KRT86: variants seen among roughly 807,000 people sequenced by gnomAD.
KRT86 encodes keratin, type II cuticular Hb6.
Under a neutral mutation model 41.2 loss-of-function variants are expected in KRT86, and 30 were observed. That is an observed-to-expected ratio of 0.73 (90% CI 0.54 to 0.99). The LOEUF is 0.99. Ranked by LOEUF, KRT86 falls within the 50% of genes least tolerant of loss-of-function variation. The probability of loss-of-function intolerance (pLI) is 0.00; values close to 1 mark genes in which losing one functional copy is unlikely to be tolerated. For synonymous variants in KRT86, 238 were observed against 238.1 expected (o/e 1.00, Z 0.00); for missense variants, 561 against 571.4 (o/e 0.98, Z 0.19).
In KRT86 at chr12:52,291,404, C is replaced by G. The variant is rs202205489; in HGVS notation, c.-4-10509C>G. 5.0e-6 allele frequency: 8 copies of G among 1,610,462 alleles called. 1 individual carries two copies. In the South Asian group the frequency reaches 6.6e-5, roughly 13 times the overall value. On this transcript the variant is annotated intron_variant, in intron 2 of 10. Transcript: ENST00000423955. Reference sequence around the variant, plus strand: ...GGCGGTGATGCAGCAGCGGCCGGGCCGCGGCCCGCAGGCCGAGATGCAGCT... The same window carrying G: ...GGCGGTGATGCAGCAGCGGCCGGGCGGCGGCCCGCAGGCCGAGATGCAGCT...
At chr12:52,276,111 C>T (rs1942555629) in intron 2 of KRT86, among the ~76,000 whole-genome samples, 165 bp downstream of exon 2, 1 of 152,222 alleles carries the variant, frequency 6.6e-6, no homozygotes, top group Non-Finnish European at 1.5e-5. Context: ...ATCATGCTTA[C>T]CTCTGCCTAG....
At chr12:52,291,340 G>T in intron 2 of KRT86, 3 of 1,571,700 alleles carry the variant, frequency 1.9e-6, no homozygotes, top group East Asian at 2.3e-5. Context: ...CGAAGCCCCC[G>T]GTGAGGCCGC....
At chr12:52,275,189 C>A (rs1391972889) in intron 1 of KRT86, 6 of 152,098 alleles carry the variant, frequency 3.9e-5, no homozygotes, top group Admixed American at 6.5e-5. Flanking sequence ...AGGCACTGTG[C>A]AAGTGTGAGT....
intron 2 of KRT86, chr12:52,287,358 C>T: frequency 1.2e-6 from 2 of 1,612,000 alleles, no homozygotes; most frequent in Non-Finnish European, 1.7e-6. Flanking sequence ...AGATTAGAGT[C>T]CCTGGGTCTC....
At chr12:52,287,997 C>T (rs1423582351) in intron 2 of KRT86, 4 of 1,614,214 alleles carry the variant, frequency 2.5e-6, no homozygotes, top group Admixed American at 1.7e-5. Flanking sequence ...GCTGCGGTAC[C>T]AGGACTCGGC....
intron 2 of KRT86, among the ~76,000 whole-genome samples, chr12:52,293,752 C>T (rs1179727842): frequency 6.6e-6 from 1 of 152,090 alleles, no homozygotes; most frequent in African/African-American, 2.4e-5. Flanking sequence ...AGTGAACCAC[C>T]CCCCACTCCA....
Position 52,308,631 on chromosome 12 carries a change from A to C in KRT86, c.*46A>C, listed in dbSNP as rs201257801. On this transcript the variant is annotated 3_prime_UTR_variant, in exon 11 of 11. Coordinates refer to ENST00000423955, the MANE Select transcript of KRT86 (RefSeq NM_001320198.2). ...CGCCTGTCGCCGTCACTCTCCACCC[A>C]GCCAGTACCTCGCGCCACCAGAACG... 1,384 of 1,565,392 alleles carry C rather than the reference A, an allele frequency of 8.8e-4. 10 individuals carry two copies. In the African/African-American group the frequency reaches 0.017, roughly 19 times the overall value.
intron 2 of KRT86, chr12:52,291,172 G>A (rs1421369630): frequency 2.4e-6 from 3 of 1,224,926 alleles, no homozygotes; most frequent in Non-Finnish European, 2.2e-6. Flanking sequence ...CGCACTGCGC[G>A]TTGGGGTCGA....
chr12:52,283,134 G>T (rs139210912), intron 2 of KRT86, among the ~76,000 whole-genome samples: 197 of 152,260 alleles, frequency 1.3e-3, no homozygotes, highest in Admixed American at 2.0e-3. Context: ...GGTGGCTCAT[G>T]CCTGTAATCC....
chr12:52,302,043 G>T lies in KRT86; in HGVS notation c.127G>T (p.Gly43Trp). 2 of 1,608,034 alleles carry T rather than the reference G, an allele frequency of 1.2e-6. No individual in the cohort carries two copies. The highest frequency in any genetic ancestry group is 1.7e-6 in the Non-Finnish European group (2 of 1,177,830). Residue 43 changes from glycine (G) to tryptophan (W), a missense_variant, in exon 3 of 11, where the codon GGG (glycine) becomes TGG (tryptophan). Physicochemically the swap from Gly to Trp is radical, Grantham distance 184 (BLOSUM62 -2). Around this residue, in one of 3 missense-constraint regions of KRT86, gnomAD observed 164 missense variants for 172.5 expected, o/e 0.95. Coordinates refer to ENST00000423955, the MANE Select transcript of KRT86 (RefSeq NM_001320198.2). ...CATCTCCTGCTACCGCGGCCTCACC[G>T]GGGGCTTCGGCAGCCACAGCGTGTG... ...RGISCYRGLT[G>W]GFGSHSVCGG...
chr12:52,279,672 C>T (rs1011537466), intron 2 of KRT86, among the ~76,000 whole-genome samples: 13 of 152,126 alleles, frequency 8.5e-5, no homozygotes, highest in Non-Finnish European at 1.5e-4. Flanking sequence ...CTGTGAGGGT[C>T]TATGTGACTT....
chr12:52,280,362 C>A (rs1051841554), intron 2 of KRT86, among the ~76,000 whole-genome samples: 1 of 151,882 alleles, frequency 6.6e-6, no homozygotes, highest in African/African-American at 2.4e-5. Flanking sequence ...CCACACAGAC[C>A]CAAGAGAAGC....
chr12:52,297,402 A>G (rs1043270638), intron 2 of KRT86, among the ~76,000 whole-genome samples: 1 of 152,170 alleles, frequency 6.6e-6, no homozygotes, highest in Admixed American at 6.5e-5. Flanking sequence ...AAATTAAGAC[A>G]GGATTGAGCA....
chr12:52,302,168 C>T lies in KRT86; in HGVS notation c.252C>T (p.Asn84=), dbSNP rs1374169585. ...CATGCATCACCACCGTGTCGGTCAA[C>T]GAGAGCCTCCTCACGCCCCTCAACC... ...SPPCITTVSV[N]ESLLTPLNLE... Residue 84 remains asparagine (N), a synonymous_variant, in exon 3 of 11, where the codon AAC becomes AAT. Transcript: ENST00000423955. The T allele has an allele frequency of 2.8e-6, 4 of 1,443,870 alleles. No individual in the cohort carries two copies. The highest frequency in any genetic ancestry group is 2.5e-5 in the East Asian group (1 of 40,236). 89.4% of individuals were successfully genotyped at this position (1,443,870 alleles called of 1,614,324 possible). A position where few individuals can be genotyped will look rare whatever the true frequency, so the allele number is the denominator to read the frequency against.
chr12:52,296,653 T>A (rs959077671), intron 2 of KRT86, among the ~76,000 whole-genome samples: 1 of 110,046 alleles, frequency 9.1e-6, no homozygotes, highest in Non-Finnish European at 2.0e-5. Flanking sequence ...AAGGCAGGGC[T>A]CTGACTTGGG....
At chr12:52,298,404 C>A (rs1267764489) in intron 2 of KRT86, among the ~76,000 whole-genome samples, 1 of 152,222 alleles carries the variant, frequency 6.6e-6, no homozygotes, top group Non-Finnish European at 1.5e-5. Flanking sequence ...AATCCTTCTA[C>A]AAGTTCTTTA....
chr12:52,308,102 C>A (rs905385191), intron 9 of KRT86, 131 bp from the exon 10 acceptor site: 7 of 1,218,010 alleles, frequency 5.7e-6, no homozygotes, highest in East Asian at 2.4e-5. Flanking sequence ...TGGCTCCTGG[C>A]CGAGAGCATT....
chr12:52,305,671 G>T lies in KRT86; in HGVS notation c.909G>T (p.Glu303Asp). 3 of 1,614,128 alleles carry T rather than the reference G, an allele frequency of 1.9e-6. No individual in the cohort carries two copies. Among genetic ancestry groups the T allele is most frequent in the East Asian group, 2.2e-5 (1 of 44,882 alleles). The change falls in exon 8 of 11, where the codon GAG (glutamate) becomes GAT (aspartate). Residue 303 changes from glutamate to aspartate, a missense_variant. By Grantham distance (45) the Glu-to-Asp change is conservative (BLOSUM62 2). Transcript: ENST00000423955. ...ATCTCTACTTCCCCCAGTGTGAGGAGATGAAGGCCACGGTGATCAGGCACG... is the reference window on the plus strand; with the variant it reads ...ATCTCTACTTCCCCCAGTGTGAGGATATGAAGGCCACGGTGATCAGGCACG... ...AESWYRSKCE[E>D]MKATVIRHGE...
intron 3 of KRT86, among the ~76,000 whole-genome samples, chr12:52,302,841 T>TGGGGA (rs1555187691): frequency 2.4e-5 from 3 of 127,140 alleles, no homozygotes; most frequent in African/African-American, 8.8e-5. Flanking sequence ...GGGTGGGGGG[T>TGGGGA]GGGGGGGGGG....
Sources: allele counts gnomAD v4.1 joint callset (sites outside exome capture counted in the v4.1 genomes callset), GRCh38; gene constraint gnomAD v4.1.1; regional missense constraint gnomAD v4.1.1; transcripts MANE v1.5; gene names NCBI Gene and HGNC (gene_info 2026-07-23, HGNC 2026-07-21).